Variants in LRMDA observed in about 807,000 individuals in gnomAD.
The protein encoded by LRMDA is leucine rich melanocyte differentiation associated.
Under a neutral mutation model 29.8 loss-of-function variants are expected in LRMDA, and 18 were observed. The observed-to-expected ratio is 0.60, with a 90% CI of 0.42 to 0.90. The LOEUF is 0.90. Among genes scored for constraint, LRMDA ranks in the 40% least tolerant of loss-of-function variants. The pLI is 0.00. For synonymous variants in LRMDA, 125 were observed against 109.4 expected (o/e 1.14, Z -0.89); for missense variants, 273 against 273.9 (o/e 1.00, Z 0.02).
intron 2 of LRMDA, among the ~76,000 whole-genome samples, chr10:75,846,980 A>T (rs1385525592): frequency 1.3e-5 from 2 of 152,204 alleles, no homozygotes; most frequent in Non-Finnish European, 2.9e-5. Flanking sequence ...TCTCAGTGGC[A>T]ATTTTGCAGA....
At chr10:76,547,987 A>C (rs1843442191) in intron 6 of LRMDA, among the ~76,000 whole-genome samples, 1 of 152,202 alleles carries the variant, frequency 6.6e-6, no homozygotes, top group Non-Finnish European at 1.5e-5. Context: ...TGAGCCTGCT[A>C]AGTAAGGGTG....
intron 2 of LRMDA, among the ~76,000 whole-genome samples, chr10:76,030,219 A>G (rs1201936971): frequency 1.3e-5 from 2 of 152,132 alleles, no homozygotes; most frequent in East Asian, 1.9e-4. Context: ...ATACACTTAC[A>G]GTATGGATTA....
At chr10:75,723,722 A>C (rs1479498006) in intron 2 of LRMDA, among the ~76,000 whole-genome samples, 1 of 152,258 alleles carries the variant, frequency 6.6e-6, no homozygotes, top group Non-Finnish European at 1.5e-5. Context: ...GAAGTAATTT[A>C]TTCAACGAAT....
At chr10:76,246,771 A>G (rs950219311) in intron 5 of LRMDA, among the ~76,000 whole-genome samples, 2 of 152,240 alleles carry the variant, frequency 1.3e-5, no homozygotes, top group African/African-American at 4.8e-5. Flanking sequence ...GAAGGAAGAG[A>G]CCAGTGCCTG....
In LRMDA at chr10:75,578,940, C is replaced by A. The variant is rs183325572; in HGVS notation, c.131+140446C>A. On this transcript the variant is annotated intron_variant, in intron 2 of 6. Transcript: ENST00000611255. ...AGTGTGTAGAGGGAAATTTATAGCACTAAATGCCCACAAGAGAAAGCAGGA... is the reference window on the plus strand; with the variant it reads ...AGTGTGTAGAGGGAAATTTATAGCAATAAATGCCCACAAGAGAAAGCAGGA... Among the ~76,000 whole-genome samples, 77 of 151,408 alleles carry A rather than the reference C, an allele frequency of 5.1e-4. 1 individual carries two copies. Among genetic ancestry groups the A allele is most frequent in the African/African-American group, 1.8e-3 (73 of 41,306 alleles).
intron 5 of LRMDA, among the ~76,000 whole-genome samples, chr10:76,232,158 G>C (rs541400154): frequency 1.3e-5 from 2 of 152,200 alleles, no homozygotes; most frequent in African/African-American, 2.4e-5. Flanking sequence ...AGGGAACACT[G>C]TTTCTTTAAG....
intron 5 of LRMDA, among the ~76,000 whole-genome samples, chr10:76,268,795 C>T (rs188092706): frequency 8.3e-4 from 127 of 152,258 alleles, no homozygotes; most frequent in Admixed American, 2.5e-3. Context: ...ATAGGTTTGA[C>T]GTGTCAGTCA....
intron 2 of LRMDA, among the ~76,000 whole-genome samples, chr10:75,870,323 T>G (rs1298858133): frequency 6.6e-6 from 1 of 152,222 alleles, no homozygotes; most frequent in Non-Finnish European, 1.5e-5. Flanking sequence ...ACCAGATGGC[T>G]CTTTGTAGAA....
chr10:75,644,732 T>C lies in LRMDA; in HGVS notation c.131+206238T>C, dbSNP rs368451373. On this transcript the variant is annotated intron_variant, in intron 2 of 6. Coordinates refer to ENST00000611255, the MANE Select transcript of LRMDA (RefSeq NM_001305581.2). ...CACTGGCCCTCTTCTATCCACTGCA[T>C]GCCGCCAACTGATTCTCTAGTTTAT... Among the ~76,000 whole-genome samples the C allele has an allele frequency of 3.9e-5, 6 of 152,286 alleles. No individual in the cohort carries two copies. The East Asian group carries it at 1.2e-3, about 29-fold the overall frequency.
chr10:76,269,978 C>T (rs1453610477), intron 5 of LRMDA, among the ~76,000 whole-genome samples: 4 of 152,124 alleles, frequency 2.6e-5, no homozygotes, highest in Non-Finnish European at 4.4e-5. Context: ...GTACATTTCT[C>T]ATTCACTCAA....
chr10:76,462,077 C>CACA (rs1554822382), intron 6 of LRMDA, among the ~76,000 whole-genome samples: 4 of 122,590 alleles, frequency 3.3e-5, no homozygotes, highest in Non-Finnish European at 6.7e-5. Context: ...AAAAAAAAAA[C>CACA]CACACACACA....
chr10:76,269,606 A>G (rs1840043883), intron 5 of LRMDA, among the ~76,000 whole-genome samples: 1 of 152,204 alleles, frequency 6.6e-6, no homozygotes, highest in South Asian at 2.1e-4. Context: ...GGAATTTTTT[A>G]AAAGGTAGAG....
At chr10:76,519,423 G>A (rs956942353) in intron 6 of LRMDA, among the ~76,000 whole-genome samples, 66 of 152,278 alleles carry the variant, frequency 4.3e-4, no homozygotes, top group African/African-American at 1.5e-3. Context: ...TAAAAAGTTA[G>A]AAGCATTTCT....
intron 6 of LRMDA, among the ~76,000 whole-genome samples, chr10:76,421,110 A>G (rs1198562850): frequency 6.6e-6 from 1 of 152,090 alleles, no homozygotes; most frequent in Non-Finnish European, 1.5e-5. Flanking sequence ...TCTTTTACTT[A>G]CTGAGAGAAG....
At chr10:76,453,500 G>A (rs541451772) in intron 6 of LRMDA, among the ~76,000 whole-genome samples, 1 of 152,138 alleles carries the variant, frequency 6.6e-6, no homozygotes, top group South Asian at 2.1e-4. Flanking sequence ...GCTATGATAA[G>A]CATCTGCTTA....
At chr10:75,579,016 A>G (rs1336792534) in intron 2 of LRMDA, among the ~76,000 whole-genome samples, 1 of 152,198 alleles carries the variant, frequency 6.6e-6, no homozygotes, top group Admixed American at 6.5e-5. Flanking sequence ...CTAGAGAAGC[A>G]GGAGCAAACA....
At chr10:76,011,151 A>G (rs922436219) in intron 2 of LRMDA, among the ~76,000 whole-genome samples, 1 of 152,136 alleles carries the variant, frequency 6.6e-6, no homozygotes, top group South Asian at 2.1e-4. Flanking sequence ...GAGAGTGGAT[A>G]TATTTTTTAG....
Position 76,442,370 on chromosome 10 carries a change from A to G in LRMDA, c.602-114839A>G, listed in dbSNP as rs1326376367. Among the ~76,000 whole-genome samples, 56 of 152,172 alleles carry G rather than the reference A, an allele frequency of 3.7e-4. 2 individuals carry two copies. Among genetic ancestry groups the G allele is most frequent in the Admixed American group, 3.7e-3 (56 of 15,276 alleles). ...ACCTTGCTTCTCCTCTCAGAGGTTT[A>G]GGTTCTTAGCTTAAAATGAGAAGGT... On this transcript the variant is annotated intron_variant, in intron 6 of 6. Transcript: ENST00000611255.
chr10:75,459,927 G>A (rs530529825), intron 2 of LRMDA, among the ~76,000 whole-genome samples: 11 of 152,134 alleles, frequency 7.2e-5, no homozygotes, highest in Non-Finnish European at 1.0e-4. Context: ...TAAATGCCTC[G>A]TATTAGGCTC....
Sources: allele counts gnomAD v4.1 joint callset (sites outside exome capture counted in the v4.1 genomes callset), GRCh38; gene constraint gnomAD v4.1.1; transcripts MANE v1.5; gene names NCBI Gene and HGNC (gene_info 2026-07-23, HGNC 2026-07-21).